CTNNA3: variants seen among roughly 807,000 people sequenced by gnomAD.
The protein encoded by CTNNA3 is catenin alpha 3.
CTNNA3 carries 76 observed loss-of-function variants against 95.7 expected under a neutral mutation model. The ratio of observed to expected loss-of-function variants is 0.79; its 90% CI spans 0.66 to 0.96. The LOEUF is 0.96. Among genes scored for constraint, CTNNA3 ranks in the 40% least tolerant of loss-of-function variants. CTNNA3 has a pLI of 0.00. For missense variants in CTNNA3, 1,191 were observed against 1,089.8 expected, an observed-to-expected ratio of 1.09 and a Z score of -1.31; for synonymous variants, 431 against 374.4, an observed-to-expected ratio of 1.15 and a Z score of -1.74.
At chr10:66,429,388 C>T (rs1467050040) in intron 11 of CTNNA3, among the ~76,000 whole-genome samples, 1 of 151,778 alleles carries the variant, frequency 6.6e-6, no homozygotes, top group Non-Finnish European at 1.5e-5. Context: ...AGGGAATCCT[C>T]CCTAACTCAT....
chr10:66,744,770 A>G (rs188574201), intron 9 of CTNNA3, among the ~76,000 whole-genome samples: 107 of 152,312 alleles, frequency 7.0e-4, no homozygotes, highest in Middle Eastern at 3.4e-3. Context: ...ATAGAGAAAA[A>G]TAATCAGTGT....
At chr10:66,176,968 A>G (rs2085745769) in intron 13 of CTNNA3, among the ~76,000 whole-genome samples, 1 of 152,040 alleles carries the variant, frequency 6.6e-6, no homozygotes, top group Admixed American at 6.6e-5. Flanking sequence ...GGAAAAAAAA[A>G]AGTGTTCTTA....
chr10:67,620,238 A>T (rs540772048), intron 2 of CTNNA3, among the ~76,000 whole-genome samples: 1 of 152,314 alleles, frequency 6.6e-6, no homozygotes, highest in East Asian at 1.9e-4. Flanking sequence ...AAAGCATATA[A>T]GGACATCAAG....
At chr10:65,944,263 C>T (rs2077476161) in intron 17 of CTNNA3, among the ~76,000 whole-genome samples, 1 of 152,254 alleles carries the variant, frequency 6.6e-6, no homozygotes, top group African/African-American at 2.4e-5. Flanking sequence ...TTCCCTGGAG[C>T]TCGTTTGTCA....
intron 13 of CTNNA3, among the ~76,000 whole-genome samples, chr10:66,266,058 GA>G (rs2091142242): frequency 6.7e-6 from 1 of 148,210 alleles, no homozygotes; most frequent in South Asian, 2.2e-4. Flanking sequence ...AGGGAGGGAG[GA>G]AAAGAAGGGA....
intron 13 of CTNNA3, among the ~76,000 whole-genome samples, chr10:66,159,476 G>A (rs1027805737): frequency 6.6e-5 from 10 of 152,016 alleles, no homozygotes; most frequent in African/African-American, 2.4e-4. Flanking sequence ...ACTTGCATAT[G>A]TTACCATCCC....
intron 17 of CTNNA3, among the ~76,000 whole-genome samples, chr10:65,940,192 T>C (rs2077407736): frequency 1.3e-5 from 2 of 152,202 alleles, no homozygotes; most frequent in Admixed American, 1.3e-4. Flanking sequence ...CCACATGATC[T>C]GTACTCTTCA....
At chr10:66,663,484 A>T (rs2132449113) in intron 9 of CTNNA3, among the ~76,000 whole-genome samples, 1 of 152,144 alleles carries the variant, frequency 6.6e-6, no homozygotes, top group Admixed American at 6.5e-5. Flanking sequence ...AAAAAAAAAA[A>T]AAATCCTCAC....
At position 66,069,328 on chromosome 10, in the gene CTNNA3, C is replaced by T; in HGVS notation, c.2139G>A (p.Met713Ile). Residue 713 changes from methionine to isoleucine, a missense_variant, in exon 15 of 18, where the codon ATG becomes ATA. Physicochemically the swap from Met to Ile is conservative, Grantham distance 10. Transcript: ENST00000433211. The part of the protein sequence containing the change: ...VLAKNMCMIM[M>I]EMTDFTRGKG... ...ATTACCTAGTGAAGTCTGTCATCTC[C>T]ATCATGATCATACACATGTTCTTGG... The T allele has an allele frequency of 6.2e-7, 1 of 1,613,426 alleles. No homozygotes were observed. Among genetic ancestry groups the T allele is most frequent in the Non-Finnish European group, 8.5e-7 (1 of 1,179,612 alleles).
At chr10:67,685,337 A>G (rs1178322528) in intron 1 of CTNNA3, among the ~76,000 whole-genome samples, 1 of 152,192 alleles carries the variant, frequency 6.6e-6, no homozygotes, top group East Asian at 1.9e-4. Flanking sequence ...CTGAGTGCAA[A>G]CAGCTTGCAC....
At chr10:66,373,217 T>C (rs982833587) in intron 12 of CTNNA3, among the ~76,000 whole-genome samples, 1 of 152,160 alleles carries the variant, frequency 6.6e-6, no homozygotes, top group Non-Finnish European at 1.5e-5. Flanking sequence ...AGCATTTTCT[T>C]TTTTCTGACA....
In CTNNA3 at chr10:66,674,020, A is replaced by AT. The variant is rs5785775; in HGVS notation, c.1282-52237dup. ...CACTATACTAACTCAGCACTTGTTA[A>AT]TTTTTTTTTTGGTCTGAAGCCTCAA... is the stretch of plus-strand genomic sequence containing the variant. On this transcript the variant is annotated intron_variant, in intron 9 of 17. Transcript: ENST00000433211. Among the ~76,000 whole-genome samples, 50 of 150,720 alleles carry AT rather than the reference A, an allele frequency of 3.3e-4. No homozygotes were observed. In the East Asian group the frequency reaches 7.8e-3, roughly 24 times the overall value.
At chr10:66,630,811 T>C (rs1845108591) in intron 9 of CTNNA3, among the ~76,000 whole-genome samples, 1 of 152,096 alleles carries the variant, frequency 6.6e-6, no homozygotes, top group African/African-American at 2.4e-5. Context: ...ATTTAACTAA[T>C]ATAACTGTGC....
intron 2 of CTNNA3, among the ~76,000 whole-genome samples, chr10:67,624,399 T>A (rs1257519888): frequency 6.6e-6 from 1 of 152,102 alleles, no homozygotes; most frequent in Non-Finnish European, 1.5e-5. Context: ...TCCACTGAAT[T>A]TCCCCTAAAA....
At chr10:66,081,764 A>T (rs1451349651) in intron 14 of CTNNA3, among the ~76,000 whole-genome samples, 1 of 152,188 alleles carries the variant, frequency 6.6e-6, no homozygotes, top group Non-Finnish European at 1.5e-5. Flanking sequence ...AGGTTCATTG[A>T]TGGAGATTAA....
At chr10:67,660,168 T>A (rs1394163691) in intron 1 of CTNNA3, among the ~76,000 whole-genome samples, 4 of 152,194 alleles carry the variant, frequency 2.6e-5, no homozygotes, top group Non-Finnish European at 5.9e-5. Flanking sequence ...AATCTAACCA[T>A]CCAAGTTCAT....
At chr10:66,094,845 T>A (rs915395973) in intron 14 of CTNNA3, among the ~76,000 whole-genome samples, 1 of 152,098 alleles carries the variant, frequency 6.6e-6, no homozygotes, top group Admixed American at 6.6e-5. Flanking sequence ...ATAGTGGAGA[T>A]GGTGAAAAAT....
chr10:67,086,947 G>A (rs1857345948), intron 7 of CTNNA3, among the ~76,000 whole-genome samples: 2 of 151,764 alleles, frequency 1.3e-5, no homozygotes, highest in African/African-American at 4.8e-5. Context: ...AATTTCCAAG[G>A]GGATTAAAAA....
At chr10:66,061,199 A>G (rs1349360704) in intron 15 of CTNNA3, among the ~76,000 whole-genome samples, 1 of 152,120 alleles carries the variant, frequency 6.6e-6, no homozygotes, top group Non-Finnish European at 1.5e-5. Flanking sequence ...AGGCTATCAC[A>G]AGGGGAACAG....
Sources: allele counts gnomAD v4.1 joint callset (sites outside exome capture counted in the v4.1 genomes callset), GRCh38; gene constraint gnomAD v4.1.1; transcripts MANE v1.5; gene names NCBI Gene and HGNC (gene_info 2026-07-23, HGNC 2026-07-21).